Variants in RNF168 observed in about 807,000 individuals in gnomAD.
RNF168 encodes the protein ring finger protein 168.
Under a neutral mutation model 34.9 loss-of-function variants are expected in RNF168, and 34 were observed. The ratio of observed to expected loss-of-function variants is 0.97; its 90% CI spans 0.74 to 1.30. RNF168 has a LOEUF of 1.30. Among genes scored for constraint, RNF168 ranks in the 50% most tolerant of loss-of-function variants. RNF168 has a pLI of 0.00. For missense variants in RNF168, 725 were observed against 682.5 expected, an observed-to-expected ratio of 1.06 and a Z score of -0.69; for synonymous variants, 264 against 254.7, an observed-to-expected ratio of 1.04 and a Z score of -0.35.
At position 196,476,757 on chromosome 3, in the gene RNF168, C is replaced by CT. The variant is rs377410955; in HGVS notation, c.681-1446dup. ...GAAACACATATCTTTACATTTCTTT[C>CT]TTTTTTTTTGAGACAGAGTCTCACT... is the stretch of plus-strand genomic sequence containing the variant. On this transcript the variant is annotated intron_variant, in intron 4 of 5. Coordinates refer to ENST00000318037, the MANE Select transcript of RNF168 (RefSeq NM_152617.4). Among the ~76,000 whole-genome samples, 100 of 147,340 alleles carry CT rather than the reference C, an allele frequency of 6.8e-4. 1 individual carries two copies. In the East Asian group the frequency reaches 0.019, roughly 28 times the overall value.
chr3:196,488,500 A>G (rs531394685), intron 2 of RNF168, 107 bp downstream of exon 2: 10 of 661,364 alleles, frequency 1.5e-5, no homozygotes, highest in South Asian at 1.4e-4. Context: ...AAAATTATCC[A>G]TATTTCAAGA....
chr3:196,481,303 G>A lies in RNF168; in HGVS notation c.680+2467C>T, dbSNP rs367899519. The stretch of plus-strand genomic sequence containing the variant: ...TACAAGGGGAATGGCGGGGCGTGGC[G>A]GCTCACTCCTGTAATCCAGGCACCT... On this transcript the variant is annotated intron_variant, in intron 4 of 5. Transcript: ENST00000318037. Among the ~76,000 whole-genome samples, 78 of 152,170 alleles carry A rather than the reference G, an allele frequency of 5.1e-4. 1 individual carries two copies. The East Asian group carries it at 0.011, about 21-fold the overall frequency.
At chr3:196,487,339 G>GT in intron 3 of RNF168, 60 bp downstream of exon 3, 1 of 1,362,866 alleles carries the variant, frequency 7.3e-7, no homozygotes, top group Non-Finnish European at 1.1e-6. Flanking sequence ...CCATGAGCGG[G>GT]TTCTGCAGCA....
intron 4 of RNF168, among the ~76,000 whole-genome samples, chr3:196,478,655 T>G (rs1336690796): frequency 4.8e-4 from 72 of 148,854 alleles, no homozygotes; most frequent in Non-Finnish European, 1.5e-5. Flanking sequence ...TCTTTTTGAT[T>G]TTGTTTATTT....
rs1185254079 is a variant in RNF168 at position 196,471,276 on chromosome 3, G to C, written c.*543C>G. On this transcript the variant is annotated 3_prime_UTR_variant, in exon 6 of 6. Coordinates refer to ENST00000318037, the MANE Select transcript of RNF168 (RefSeq NM_152617.4). ...ATATGAATCCAAATTTTGAAACTCC[G>C]TCTAAAAAAAAAAAACAAACACCAA... The C allele has an allele frequency of 7.2e-6, 1 of 138,674 alleles. No individual in the cohort carries two copies. The highest frequency in any genetic ancestry group is 7.5e-5 in the Admixed American group (1 of 13,306). 8.6% of individuals were successfully genotyped at this position (138,674 alleles called of 1,614,324 possible).
Position 196,472,331 on chromosome 3 carries a change from A to G in RNF168, c.1204T>C (p.Cys402Arg). 6.2e-7 allele frequency: 1 copy of G among 1,614,090 alleles called. No homozygotes were observed. The highest frequency in any genetic ancestry group is 8.5e-7 in the Non-Finnish European group (1 of 1,179,972). Reference protein sequence around the residue: ...ESSFEAVKDPCFSAKRRKVSP... With the variant: ...ESSFEAVKDPRFSAKRRKVSP... ...ACTTTTCTTCTTTTTGCAGAAAAGC[A>G]TGGATCCTTGACTGCTTCAAAGGAA... Residue 402 changes from cysteine (C) to arginine (R), a missense_variant, in exon 6 of 6, where the codon TGC becomes CGC. Coordinates refer to ENST00000318037, the MANE Select transcript of RNF168 (RefSeq NM_152617.4).
chr3:196,494,609 G>A (rs1421256736), intron 1 of RNF168, among the ~76,000 whole-genome samples: 1 of 152,192 alleles, frequency 6.6e-6, no homozygotes, highest in Non-Finnish European at 1.5e-5. Context: ...GCTGGGCACA[G>A]GGTACAAAAT....
At chr3:196,475,145 T>C (rs1387254151) in intron 5 of RNF168, 86 bp downstream of exon 5, 1 of 811,944 alleles carries the variant, frequency 1.2e-6, no homozygotes, top group Admixed American at 1.9e-5. Context: ...TAGGGGCTTT[T>C]GTTAAAAGGT....
In RNF168 at chr3:196,484,171, C is replaced by CTTTTTTTTTTTTTTTTTTTTTTTT. The variant is rs71699491; in HGVS notation, c.559-281_559-280insAAAAAAAAAAAAAAAAAAAAAAAA. Among the ~76,000 whole-genome samples, 2 of 119,462 alleles carry CTTTTTTTTTTTTTTTTTTTTTTTT rather than the reference C, an allele frequency of 1.7e-5. 1 individual carries two copies. The highest frequency in any genetic ancestry group is 6.8e-5 in the African/African-American group (2 of 29,264). The allele number at this position is 119,462 out of a possible 152,430, so 78.4% of individuals were successfully genotyped here. ...GATAATTCCTGTTGATCTTTCTTTC[C>CTTTTTTTTTTTTTTTTTTTTTTTT]TTTTTTTTTTTTTTTTTGAGACGCA... is the stretch of plus-strand genomic sequence containing the variant. On this transcript the variant is annotated intron_variant, in intron 3 of 5. Transcript: ENST00000318037.
intron 4 of RNF168, among the ~76,000 whole-genome samples, chr3:196,478,709 C>T (rs1283472257): frequency 6.6e-6 from 1 of 151,914 alleles, no homozygotes; most frequent in Admixed American, 6.6e-5. Context: ...CTCTATCGCC[C>T]AGACTGAAGT....
intron 3 of RNF168, among the ~76,000 whole-genome samples, chr3:196,485,347 A>C (rs887986535): frequency 2.0e-5 from 3 of 152,176 alleles, no homozygotes; most frequent in Non-Finnish European, 4.4e-5. Flanking sequence ...ATCGGCACTA[A>C]AAATACAAAA....
chr3:196,494,134 C>T (rs1732679003), intron 1 of RNF168, among the ~76,000 whole-genome samples: 1 of 152,084 alleles, frequency 6.6e-6, no homozygotes, highest in Non-Finnish European at 1.5e-5. Context: ...AGGTGTGAGC[C>T]CCCGCACCTG....
intron 1 of RNF168, among the ~76,000 whole-genome samples, chr3:196,490,826 A>T (rs760615016): frequency 2.0e-4 from 30 of 152,324 alleles, no homozygotes; most frequent in Admixed American, 3.9e-4. Context: ...TTAGTCACTA[A>T]GGAGGATCTA....
At chr3:196,497,246 AT>A (rs1288890440) in intron 1 of RNF168, among the ~76,000 whole-genome samples, 1 of 152,160 alleles carries the variant, frequency 6.6e-6, no homozygotes, top group Non-Finnish European at 1.5e-5. Context: ...GACCCACATT[AT>A]TTTTTTTAAA....
chr3:196,494,545 T>C (rs1011078477), intron 1 of RNF168, among the ~76,000 whole-genome samples: 3 of 152,206 alleles, frequency 2.0e-5, no homozygotes, highest in African/African-American at 7.2e-5. Context: ...TGAACTAGAC[T>C]GCAGCTCCAT....
At chr3:196,481,832 T>C (rs952340123) in intron 4 of RNF168, among the ~76,000 whole-genome samples, 2 of 151,900 alleles carry the variant, frequency 1.3e-5, no homozygotes, top group Non-Finnish European at 2.9e-5. Flanking sequence ...TTTTTTATTT[T>C]GTGTAGAGAC....
rs746729413 is a variant in RNF168 at position 196,502,898 on chromosome 3, C to G, written c.276G>C (p.Ala92=). 1 of 1,614,080 alleles carries G rather than the reference C, an allele frequency of 6.2e-7. No individual in the cohort carries two copies. Among genetic ancestry groups the G allele is most frequent in the East Asian group, 2.2e-5 (1 of 44,876 alleles). ...KHYPRECKLR[A]SGQESEEVAD... is the part of the protein sequence containing the mutation. ...CCACTTCCTCTGATTCTTGGCCAGA[C>G]GCTCTAAGCTTGCACTCCCTGGGAT... Residue 92 remains alanine (A), a synonymous_variant, in exon 1 of 6, where the codon GCG becomes GCC. Transcript: ENST00000318037.
At chr3:196,477,810 G>A (rs748146331) in intron 4 of RNF168, among the ~76,000 whole-genome samples, 11 of 152,194 alleles carry the variant, frequency 7.2e-5, no homozygotes, top group African/African-American at 1.2e-4. Context: ...AGAACTGGCC[G>A]TGGTGGTTCA....
chr3:196,476,393 T>C (rs1339713196), intron 4 of RNF168, among the ~76,000 whole-genome samples: 1 of 151,906 alleles, frequency 6.6e-6, no homozygotes, highest in Non-Finnish European at 1.5e-5. Context: ...GATGTTATCA[T>C]ACATACTTTT....
Sources: allele counts gnomAD v4.1 joint callset (sites outside exome capture counted in the v4.1 genomes callset), GRCh38; gene constraint gnomAD v4.1.1; transcripts MANE v1.5; gene names NCBI Gene and HGNC (gene_info 2026-07-23, HGNC 2026-07-21).